RAPGEF5: variants seen among roughly 807,000 people sequenced by gnomAD.
The protein encoded by RAPGEF5 is M-Ras-regulated GEF.
In RAPGEF5, 65 loss-of-function variants were observed where a neutral mutation model predicts 125.2. That is an observed-to-expected ratio of 0.52 (90% CI 0.43 to 0.64). The LOEUF (loss-of-function observed/expected upper bound fraction) is 0.64. Ranked by LOEUF, RAPGEF5 falls within the 30% of genes least tolerant of loss-of-function variation. RAPGEF5 has a pLI of 0.00. For synonymous variants in RAPGEF5, 391 were observed against 385.9 expected, an observed-to-expected ratio of 1.01 and a Z score of -0.16; for missense variants, 958 against 1,048.1, an observed-to-expected ratio of 0.91 and a Z score of 1.19.
Position 22,270,159 on chromosome 7 carries a change from C to T in RAPGEF5, c.748-3147G>A, listed in dbSNP as rs576213835. ...AAAGGCGAACAATGAATGTTAATTA[C>T]CTACAGGTAGTGTTGGCTCCAGGTT... On this transcript the variant is annotated intron_variant, in intron 6 of 25. Coordinates refer to ENST00000665637, the MANE Select transcript of RAPGEF5 (RefSeq NM_012294.5). Among the ~76,000 whole-genome samples the T allele has an allele frequency of 3.3e-5, 5 of 152,338 alleles. No homozygotes were observed. The East Asian group carries it at 9.6e-4, about 29-fold the overall frequency.
At chr7:22,253,972 T>C (rs141628278) in intron 7 of RAPGEF5, among the ~76,000 whole-genome samples, 17 of 152,336 alleles carry the variant, frequency 1.1e-4, no homozygotes, top group African/African-American at 3.6e-4. Flanking sequence ...GTATAAAGGT[T>C]ATTTTTTTCT....
intron 9 of RAPGEF5, among the ~76,000 whole-genome samples, chr7:22,213,280 T>C (rs1436288283): frequency 6.6e-6 from 1 of 152,212 alleles, no homozygotes; most frequent in African/African-American, 2.4e-5. Flanking sequence ...ACTGCTATTT[T>C]TCTGGAGGAA....
At chr7:22,315,569 T>TTA in intron 2 of RAPGEF5, 93 bp from the exon 3 acceptor site, 2 of 462,788 alleles carry the variant, frequency 4.3e-6, no homozygotes, top group Non-Finnish European at 5.7e-6. Context: ...ATATATATAT[T>TTA]TATATATATT....
At chr7:22,226,386 T>A (rs1051237961) in intron 8 of RAPGEF5, among the ~76,000 whole-genome samples, 10 of 152,214 alleles carry the variant, frequency 6.6e-5, no homozygotes, top group African/African-American at 2.4e-4. Context: ...TAAATTATTC[T>A]ACTGTATGCA....
At chr7:22,250,295 A>G (rs1400656998) in intron 7 of RAPGEF5, among the ~76,000 whole-genome samples, 2 of 152,244 alleles carry the variant, frequency 1.3e-5, no homozygotes, top group African/African-American at 2.4e-5. Context: ...GGGCTTGCTT[A>G]TCTGCTTAAA....
In RAPGEF5 at chr7:22,144,933, A is replaced by C. The variant is rs946876789; in HGVS notation, c.2186+111T>G. On this transcript the variant is annotated intron_variant, in intron 20 of 25. Coordinates refer to ENST00000665637, the MANE Select transcript of RAPGEF5 (RefSeq NM_012294.5). ...TTCAGCCATTTAGTCATTTAACTCC[A>C]TATTACACGTTTATATCCCAACCCT... 9 of 1,243,830 alleles carry C rather than the reference A, an allele frequency of 7.2e-6. No individual in the cohort carries two copies. The African/African-American group carries it at 7.6e-5, about 10-fold the overall frequency. 77.0% of individuals were successfully genotyped at this position (1,243,830 alleles called of 1,614,324 possible).
chr7:22,303,125 TC>T (rs1206766279), intron 5 of RAPGEF5, among the ~76,000 whole-genome samples: 1 of 152,172 alleles, frequency 6.6e-6, no homozygotes, highest in Non-Finnish European at 1.5e-5. Context: ...ATCTTACCAG[TC>T]CCAAGGGAAT....
intron 1 of RAPGEF5, among the ~76,000 whole-genome samples, chr7:22,333,662 G>A (rs2128158171): frequency 6.6e-6 from 1 of 152,318 alleles, no homozygotes; most frequent in South Asian, 2.1e-4. Context: ...CAAGGAATAG[G>A]CTGAGGCACA....
At chr7:22,251,813 G>A (rs1012628444) in intron 7 of RAPGEF5, among the ~76,000 whole-genome samples, 2 of 148,750 alleles carry the variant, frequency 1.3e-5, no homozygotes, top group Non-Finnish European at 3.0e-5. Flanking sequence ...GAGGTGCCAG[G>A]GAGACCTCTG....
chr7:22,178,283 A>G (rs1434543454), intron 11 of RAPGEF5, among the ~76,000 whole-genome samples: 1 of 152,210 alleles, frequency 6.6e-6, no homozygotes, highest in Non-Finnish European at 1.5e-5. Context: ...TGAATTCTCT[A>G]TATGAAAGAT....
chr7:22,301,165 G>C (rs1017819012), intron 5 of RAPGEF5, among the ~76,000 whole-genome samples: 1 of 152,194 alleles, frequency 6.6e-6, no homozygotes, highest in Non-Finnish European at 1.5e-5. Context: ...ATCAATACAA[G>C]AGATAGGCTG....
intron 19 of RAPGEF5, 184 bp from the exon 20 acceptor site, chr7:22,145,406 A>G (rs1783403528): frequency 1.9e-6 from 1 of 524,080 alleles, no homozygotes; most frequent in Admixed American, 3.9e-5. Flanking sequence ...GCCTCATTCA[A>G]TAATGTTCAC....
intron 13 of RAPGEF5, 143 bp downstream of exon 13, chr7:22,162,254 A>C: frequency 1.1e-6 from 1 of 888,898 alleles, no homozygotes; most frequent in Non-Finnish European, 1.6e-6. Context: ...AAGTCAAAAT[A>C]AACTTAAATA....
rs373115734 is a variant in RAPGEF5, at chr7:22,308,437, C to T, written c.582G>A (p.Leu194=). ...CTTCTTCTCTTTCAAATTCACAGTA[C>T]AAGTAGCTACATTCATCAGAGGAAA... is the stretch of plus-strand genomic sequence containing the variant. ...YQFSSDECSY[L]YCEFEREEEW... The change falls in exon 5 of 26, where the codon TTG becomes TTA. Residue 194 remains leucine, a synonymous_variant. Coordinates refer to ENST00000665637, the MANE Select transcript of RAPGEF5 (RefSeq NM_012294.5). The T allele has an allele frequency of 6.3e-7, 1 of 1,577,020 alleles. No individual in the cohort carries two copies. The highest frequency in any genetic ancestry group is 1.2e-5 in the South Asian group (1 of 85,932).
chr7:22,350,350 T>C lies in RAPGEF5; in HGVS notation c.231+6480A>G, dbSNP rs1041880117. 5.3e-5 allele frequency among the ~76,000 whole-genome samples: 8 copies of C among 152,240 alleles called. 1 individual carries two copies. Among genetic ancestry groups the C allele is most frequent in the Admixed American group, 5.2e-4 (8 of 15,282 alleles). ...ATACTCACTATATGTTGGGATATCA[T>C]GTGCTTTTAAAAAATAGAATCCAAC... On this transcript the variant is annotated intron_variant, in intron 1 of 25. Transcript: ENST00000665637.
chr7:22,310,063 T>C lies in RAPGEF5; in HGVS notation c.417A>G (p.Val139=), dbSNP rs564165132. 6.9e-6 allele frequency: 11 copies of C among 1,594,184 alleles called. No individual in the cohort carries two copies. The African/African-American group carries it at 1.4e-4, about 20-fold the overall frequency. ...YRRSCVGSEL[V]DWLLEHCPFV... ...AAGGACAGTGTTCTAGAAGCCAGTC[T>C]ACCAGCTCTGACCCAACGCAGCTCC... The change falls in exon 4 of 26, where the codon GTA becomes GTG. Residue 139 remains valine, a synonymous_variant. Coordinates refer to ENST00000665637, the MANE Select transcript of RAPGEF5 (RefSeq NM_012294.5).
intron 11 of RAPGEF5, among the ~76,000 whole-genome samples, chr7:22,189,540 C>T (rs763190649): frequency 1.3e-5 from 2 of 152,104 alleles, no homozygotes; most frequent in East Asian, 1.9e-4. Context: ...TTACCTTCCT[C>T]GTAATTCTCT....
chr7:22,135,186 G>T, intron 23 of RAPGEF5, among the ~76,000 whole-genome samples: 1 of 152,150 alleles, frequency 6.6e-6, no homozygotes, highest in East Asian at 1.9e-4. Context: ...CATGTGTATG[G>T]GTCCAGCCAC....
intron 9 of RAPGEF5, among the ~76,000 whole-genome samples, chr7:22,213,590 C>T (rs1256161083): frequency 1.3e-5 from 2 of 152,158 alleles, no homozygotes; most frequent in Non-Finnish European, 2.9e-5. Flanking sequence ...ATAACTCACT[C>T]CAGGAAGCCT....
Sources: gnomAD v4.1 joint callset for allele counts (sites outside exome capture counted in the v4.1 genomes callset) on GRCh38, gnomAD v4.1.1 for gene constraint, MANE v1.5 for transcripts, NCBI Gene and HGNC (gene_info 2026-07-23, HGNC 2026-07-21) for gene names.